Variants in NRG3 observed in about 807,000 individuals in gnomAD.
The protein encoded by NRG3 is neuregulin 3.
A neutral mutation model predicts 66.9 loss-of-function variants in NRG3; 31 were observed. That is an observed-to-expected ratio of 0.46 (90% CI 0.35 to 0.63). The LOEUF (loss-of-function observed/expected upper bound fraction) is 0.63. Ranked by LOEUF, NRG3 falls within the 20% of genes least tolerant of loss-of-function variation. NRG3 has a pLI of 0.00. For synonymous variants in NRG3, 393 were observed against 359.4 expected, an observed-to-expected ratio of 1.09 and a Z score of -1.06; for missense variants, 910 against 878.9, an observed-to-expected ratio of 1.04 and a Z score of -0.45.
intron 2 of NRG3, among the ~76,000 whole-genome samples, chr10:82,590,260 G>A (rs1468801121): frequency 2.0e-5 from 3 of 152,160 alleles, no homozygotes; most frequent in Non-Finnish European, 4.4e-5. Flanking sequence ...AATCTTGTAA[G>A]TATGAAGTAT....
At chr10:82,824,220 T>C (rs1349967275) in intron 3 of NRG3, among the ~76,000 whole-genome samples, 2 of 152,252 alleles carry the variant, frequency 1.3e-5, no homozygotes, top group Middle Eastern at 3.2e-3. Flanking sequence ...TTCATTATTT[T>C]TATTGTCAAA....
At chr10:82,212,429 A>T (rs903614930) in intron 1 of NRG3, among the ~76,000 whole-genome samples, 2 of 152,176 alleles carry the variant, frequency 1.3e-5, no homozygotes, top group Non-Finnish European at 2.9e-5. Flanking sequence ...TTTGAACTTA[A>T]CACTTCTCCA....
At chr10:82,417,192 A>G (rs2088643501) in intron 2 of NRG3, among the ~76,000 whole-genome samples, 1 of 152,162 alleles carries the variant, frequency 6.6e-6, no homozygotes, top group Non-Finnish European at 1.5e-5. Context: ...TAAAGTAACA[A>G]CTTTTTCTGG....
At position 81,952,962 on chromosome 10, in the gene NRG3, C is replaced by T. The variant is rs550004684; in HGVS notation, c.823+76799C>T. ...CTTCTGGCTGGCCAGGCTAATGCTTCTCTGAGCTGTTTGTCTCTCTGGCCT... is the reference window on the plus strand; with the variant it reads ...CTTCTGGCTGGCCAGGCTAATGCTTTTCTGAGCTGTTTGTCTCTCTGGCCT... On this transcript the variant is annotated intron_variant, in intron 1 of 8. Transcript: ENST00000372141. 5.3e-5 allele frequency among the ~76,000 whole-genome samples: 8 copies of T among 152,208 alleles called. No homozygotes were observed. In the East Asian group the frequency reaches 1.4e-3, roughly 26 times the overall value.
At chr10:82,845,489 T>C (rs2063266309) in intron 3 of NRG3, among the ~76,000 whole-genome samples, 2 of 152,064 alleles carry the variant, frequency 1.3e-5, no homozygotes, top group Admixed American at 6.5e-5. Flanking sequence ...CAATGTGTGC[T>C]TATACGTGTA....
chr10:82,928,803 T>C (rs1335395548), intron 4 of NRG3, among the ~76,000 whole-genome samples: 4 of 152,178 alleles, frequency 2.6e-5, no homozygotes, highest in Non-Finnish European at 5.9e-5. Context: ...CTGTAATCTG[T>C]GGAGCCTGAT....
At chr10:82,521,343 C>A (rs972299142) in intron 2 of NRG3, among the ~76,000 whole-genome samples, 2 of 151,884 alleles carry the variant, frequency 1.3e-5, no homozygotes, top group African/African-American at 4.8e-5. Flanking sequence ...GGGGTGATTA[C>A]GGACTTTTTT....
chr10:82,367,031 T>G (rs2084578169), intron 2 of NRG3, among the ~76,000 whole-genome samples: 1 of 152,118 alleles, frequency 6.6e-6, no homozygotes, highest in South Asian at 2.1e-4. Context: ...CAGTGTCAGA[T>G]CTCTGGCAGT....
At chr10:82,973,714 A>G (rs1851983927) in intron 6 of NRG3, 74 bp from the exon 7 acceptor site, 5 of 1,543,606 alleles carry the variant, frequency 3.2e-6, no homozygotes, top group African/African-American at 1.4e-5. Context: ...TAACTTCTCA[A>G]TGCTTAGCTC....
chr10:82,829,710 A>T (rs1218088008), intron 3 of NRG3, among the ~76,000 whole-genome samples: 3 of 152,158 alleles, frequency 2.0e-5, no homozygotes, highest in African/African-American at 7.2e-5. Context: ...TAACCTAGAG[A>T]TGAATATCGC....
intron 1 of NRG3, among the ~76,000 whole-genome samples, chr10:82,287,512 G>A (rs2079488518): frequency 6.6e-6 from 1 of 151,444 alleles, no homozygotes; most frequent in African/African-American, 2.4e-5. Flanking sequence ...GCATGAACAA[G>A]CAGGGAGGGT....
chr10:82,296,901 T>C (rs760886798), intron 1 of NRG3, among the ~76,000 whole-genome samples: 5 of 152,132 alleles, frequency 3.3e-5, no homozygotes, highest in Admixed American at 2.6e-4. Context: ...TAGTACCCAG[T>C]AGGTAGTTCT....
At chr10:82,590,797 C>G (rs1294488456) in intron 2 of NRG3, among the ~76,000 whole-genome samples, 1 of 152,068 alleles carries the variant, frequency 6.6e-6, no homozygotes, top group Admixed American at 6.6e-5. Flanking sequence ...CAGTTTGGAA[C>G]CAAAGATTTC....
At chr10:82,933,154 A>T (rs541075275) in intron 4 of NRG3, among the ~76,000 whole-genome samples, 24 of 152,340 alleles carry the variant, frequency 1.6e-4, no homozygotes, top group Non-Finnish European at 2.9e-4. Flanking sequence ...TAGTCCAGGC[A>T]GCAGTAGAGG....
At chr10:82,672,250 A>T (rs1256562342) in intron 2 of NRG3, among the ~76,000 whole-genome samples, 2 of 152,160 alleles carry the variant, frequency 1.3e-5, no homozygotes, top group Non-Finnish European at 2.9e-5. Context: ...GCCTGGTGAG[A>T]AGGAGCTGAG....
chr10:82,234,118 A>G (rs1257465527), intron 1 of NRG3, among the ~76,000 whole-genome samples: 2 of 152,226 alleles, frequency 1.3e-5, no homozygotes, highest in Non-Finnish European at 2.9e-5. Context: ...AGGATGAAAC[A>G]TGCAAACCTT....
intron 1 of NRG3, among the ~76,000 whole-genome samples, chr10:82,035,970 G>A (rs556890172): frequency 6.6e-6 from 1 of 152,182 alleles, no homozygotes; most frequent in Admixed American, 6.5e-5. Flanking sequence ...TATCAGTGAA[G>A]CAATAATCTG....
intron 2 of NRG3, among the ~76,000 whole-genome samples, chr10:82,576,642 GA>G (rs751061160): frequency 3.3e-5 from 5 of 151,700 alleles, no homozygotes; most frequent in Non-Finnish European, 7.4e-5. Context: ...TTGTTTTGAA[GA>G]ACTTGATGTG....
At chr10:82,226,915 C>T in intron 1 of NRG3, among the ~76,000 whole-genome samples, 1 of 152,166 alleles carries the variant, frequency 6.6e-6, no homozygotes, top group East Asian at 1.9e-4. Context: ...CTTTGAAACA[C>T]ATTTCCCAGA....
Sources: gnomAD v4.1 joint callset for allele counts (sites outside exome capture counted in the v4.1 genomes callset) on GRCh38, gnomAD v4.1.1 for gene constraint, MANE v1.5 for transcripts, NCBI Gene and HGNC (gene_info 2026-07-23, HGNC 2026-07-21) for gene names.